RNF121: variants seen among roughly 807,000 people sequenced by gnomAD.
RNF121 encodes the protein ring finger protein 121.
In RNF121, 21 loss-of-function variants were observed where a neutral mutation model predicts 46.5. The observed-to-expected ratio is 0.45, with a 90% CI of 0.32 to 0.65. The LOEUF (loss-of-function observed/expected upper bound fraction) is 0.65. RNF121 is among the 30% of genes least tolerant of loss of function. The pLI, the probability that RNF121 is intolerant of heterozygous loss-of-function variation, is 0.04. For synonymous variants in RNF121, 139 were observed against 144.7 expected (o/e 0.96, Z 0.28); for missense variants, 346 against 416.0 (o/e 0.83, Z 1.46).
At chr11:71,968,064 C>T (rs1442108849) in intron 3 of RNF121, among the ~76,000 whole-genome samples, 3 of 73,804 alleles carry the variant, frequency 4.1e-5, no homozygotes, top group African/African-American at 9.6e-5. Context: ...GATTTATGAA[C>T]GATCTTTTTT....
In RNF121 at chr11:71,996,337, AACCCACCCCAC is replaced by A; in HGVS notation, c.*25_*35del. On this transcript the variant is annotated 3_prime_UTR_variant, in exon 9 of 9. Transcript: ENST00000361756. ...ATAGTGATGAAGAGCATCAGTGGAA[AACCCACCCCAC>A]ACGCCATGGACCTCAGGGCACTCTC... is the stretch of plus-strand genomic sequence containing the variant. 6.2e-7 allele frequency: 1 copy of A among 1,612,832 alleles called. No individual in the cohort carries two copies. Among genetic ancestry groups the A allele is most frequent in the Non-Finnish European group, 8.5e-7 (1 of 1,179,330 alleles).
intron 1 of RNF121, among the ~76,000 whole-genome samples, chr11:71,951,697 A>C (rs1366011450): frequency 2.0e-5 from 3 of 152,086 alleles, no homozygotes; most frequent in Non-Finnish European, 4.4e-5. Context: ...TCCAAAGAAG[A>C]TACACAAATG....
chr11:71,966,698 A>G (rs936866302), intron 3 of RNF121, among the ~76,000 whole-genome samples: 1 of 151,938 alleles, frequency 6.6e-6, no homozygotes, highest in African/African-American at 2.4e-5. Context: ...TATATTGCCC[A>G]GGCTGGTCTT....
chr11:71,994,710 C>G lies in RNF121; in HGVS notation c.628-9C>G. 1 of 1,613,768 alleles carries G rather than the reference C, an allele frequency of 6.2e-7. No homozygotes were observed. Among genetic ancestry groups the G allele is most frequent in the Non-Finnish European group, 8.5e-7 (1 of 1,179,946 alleles). On this transcript the variant is annotated splice_polypyrimidine_tract_variant and intron_variant, in intron 6 of 8. Transcript: ENST00000361756. ...TTTCCTATCTTTCCTTCCTGCTATT[C>G]TCCTTCAGTTCTACAGCGAGTCGGG...
intron 6 of RNF121, among the ~76,000 whole-genome samples, chr11:71,992,411 T>C (rs1954881923): frequency 6.6e-6 from 1 of 152,210 alleles, no homozygotes; most frequent in African/African-American, 2.4e-5. Flanking sequence ...AAAAGTGTTT[T>C]GAGTCTTTAC....
chr11:71,930,786 G>C (rs971514904), intron 1 of RNF121, among the ~76,000 whole-genome samples: 2 of 152,084 alleles, frequency 1.3e-5, no homozygotes, highest in African/African-American at 4.8e-5. Flanking sequence ...CATATGTCAG[G>C]GTTCATTGAG....
chr11:71,980,378 ACTC>A (rs1565158161), intron 3 of RNF121, among the ~76,000 whole-genome samples: 115 of 150,064 alleles, frequency 7.7e-4, no homozygotes, highest in African/African-American at 2.6e-3. Flanking sequence ...GGAGTCTAAC[ACTC>A]TGTCACCTAG....
At chr11:71,954,757 T>C (rs984911624) in intron 1 of RNF121, among the ~76,000 whole-genome samples, 3 of 152,334 alleles carry the variant, frequency 2.0e-5, no homozygotes, top group African/African-American at 7.2e-5. Context: ...AGGTAGTTGC[T>C]TTGTTTTGTT....
At chr11:71,978,164 G>A (rs1232945020) in intron 3 of RNF121, 2 of 452,378 alleles carry the variant, frequency 4.4e-6, no homozygotes, top group Non-Finnish European at 8.9e-6. Flanking sequence ...GCCCCCCAAT[G>A]TGCTCGAATT....
chr11:71,956,400 T>G (rs1410175919), intron 1 of RNF121, among the ~76,000 whole-genome samples: 1 of 152,112 alleles, frequency 6.6e-6, no homozygotes, highest in African/African-American at 2.4e-5. Flanking sequence ...GAGCAGTGGT[T>G]TTCAACTAGG....
intron 3 of RNF121, among the ~76,000 whole-genome samples, chr11:71,963,924 G>GT (rs1315262173): frequency 1.3e-5 from 2 of 152,204 alleles, no homozygotes; most frequent in Admixed American, 6.5e-5. Flanking sequence ...TAGCACTGTA[G>GT]TAAGTTCTGA....
intron 6 of RNF121, 28 bp downstream of exon 6, chr11:71,990,745 G>C (rs1399124238): frequency 6.2e-7 from 1 of 1,610,946 alleles, no homozygotes; most frequent in Non-Finnish European, 8.5e-7. Flanking sequence ...CTTAAATACT[G>C]CTTCTTGACA....
intron 3 of RNF121, among the ~76,000 whole-genome samples, chr11:71,968,656 A>G (rs1361121380): frequency 6.6e-6 from 1 of 152,160 alleles, no homozygotes; most frequent in African/African-American, 2.4e-5. Context: ...GCTAGCATTT[A>G]TTGAGTACTG....
chr11:71,938,105 T>A (rs931777811), intron 1 of RNF121, among the ~76,000 whole-genome samples: 5 of 152,110 alleles, frequency 3.3e-5, no homozygotes, highest in South Asian at 2.1e-4. Flanking sequence ...CACAGAGTGT[T>A]ATCAATAACT....
chr11:71,932,046 A>T (rs763222159), intron 1 of RNF121, among the ~76,000 whole-genome samples: 2 of 152,218 alleles, frequency 1.3e-5, no homozygotes, highest in Non-Finnish European at 2.9e-5. Flanking sequence ...AATGGCATTC[A>T]TTCATATTCC....
At chr11:71,992,582 C>A (rs1429708868) in intron 6 of RNF121, among the ~76,000 whole-genome samples, 1 of 152,134 alleles carries the variant, frequency 6.6e-6, no homozygotes, top group Admixed American at 6.5e-5. Flanking sequence ...AAGAAACTGT[C>A]AGTGAAGTGA....
chr11:71,956,415 C>A (rs10793011), intron 1 of RNF121, among the ~76,000 whole-genome samples: 36 of 152,246 alleles, frequency 2.4e-4, no homozygotes, highest in African/African-American at 8.7e-4. Flanking sequence ...ACTAGGGGGA[C>A]GCTATGGCAA....
chr11:71,977,979 C>T (rs1456028552), intron 3 of RNF121: 1 of 269,036 alleles, frequency 3.7e-6, no homozygotes, highest in Non-Finnish European at 7.5e-6. Context: ...AACTTTTAGC[C>T]ATTTATATGC....
At chr11:71,976,431 C>T (rs892174637) in intron 3 of RNF121, among the ~76,000 whole-genome samples, 2 of 144,910 alleles carry the variant, frequency 1.4e-5, no homozygotes, top group Admixed American at 7.2e-5. Flanking sequence ...TCTCGGCTCA[C>T]GGCAACCTCC....
Sources: gnomAD v4.1 joint callset for allele counts (sites outside exome capture counted in the v4.1 genomes callset) on GRCh38, gnomAD v4.1.1 for gene constraint, MANE v1.5 for transcripts, NCBI Gene and HGNC (gene_info 2026-07-23, HGNC 2026-07-21) for gene names.